STRC: variants seen among roughly 807,000 people sequenced by gnomAD.
The protein encoded by STRC is stereocilin.
A neutral mutation model predicts 103.5 loss-of-function variants in STRC; 43 were observed. The observed-to-expected ratio is 0.42, with a 90% CI of 0.33 to 0.54. The LOEUF (loss-of-function observed/expected upper bound fraction) is 0.54. Among genes scored for constraint, STRC ranks in the 20% least tolerant of loss-of-function variants. The pLI is 0.14. For synonymous variants in STRC, 186 were observed against 442.3 expected, an observed-to-expected ratio of 0.42 and a Z score of 7.27; for missense variants, 499 against 1,088.5, an observed-to-expected ratio of 0.46 and a Z score of 7.62.
At chr15:43,605,066 G>C in intron 19 of STRC, 198 bp downstream of exon 19, 1 of 952,344 alleles carries the variant, frequency 1.1e-6, no homozygotes, top group Non-Finnish European at 1.6e-6. Flanking sequence ...GACTCCAAGA[G>C]GTATGGACAA....
Position 43,601,546 on chromosome 15 carries a change from C to G in STRC, c.4551G>C (p.Trp1517Cys). Residue 1517 changes from tryptophan (W) to cysteine (C), a missense_variant, in exon 24 of 29, where the codon TGG becomes TGC. Coordinates refer to ENST00000450892, the MANE Select transcript of STRC (RefSeq NM_153700.2). ...RAAMGKAKQL[W>C]GPPRGFRPEQ... is the part of the protein sequence containing the mutation. ...CAGGACGAAATCCCCGGGGGGGACC[C>G]CACAACTAGGAGAAAGACAGGAACA... is the stretch of plus-strand genomic sequence containing the variant. 1 of 1,613,728 alleles carries G rather than the reference C, an allele frequency of 6.2e-7. No individual in the cohort carries two copies.
intron 20 of STRC, 46 bp downstream of exon 20, chr15:43,604,604 C>T (rs1232463009): frequency 9.3e-6 from 15 of 1,613,098 alleles, no homozygotes; most frequent in Non-Finnish European, 1.3e-5. Flanking sequence ...GGCTGAGGGA[C>T]TGGGTATAGA....
At chr15:43,602,103 C>G (rs1451191616) in intron 23 of STRC, among the ~76,000 whole-genome samples, 1 of 110,914 alleles carries the variant, frequency 9.0e-6, no homozygotes, top group Non-Finnish European at 1.7e-5. Flanking sequence ...TGCTGGGTGA[C>G]AGAGTGAGAC....
At chr15:43,609,236 T>G (rs779609553) in intron 16 of STRC, 40 bp downstream of exon 16, 1 of 1,600,524 alleles carries the variant, frequency 6.2e-7, no homozygotes, top group Non-Finnish European at 8.5e-7. Context: ...CAAAAAAATG[T>G]TGGTCGAATT....
intron 23 of STRC, chr15:43,601,769 C>G (rs1399332325): frequency 3.6e-6 from 2 of 559,810 alleles, no homozygotes; most frequent in African/African-American, 3.8e-5. Flanking sequence ...AGCAAACTAA[C>G]TCTAGTCCAT....
Position 43,603,193 on chromosome 15 carries a change from C to G in STRC, c.4545+49G>C, listed in dbSNP as rs1434482846. On this transcript the variant is annotated intron_variant, in intron 23 of 28. Transcript: ENST00000450892. ...CATTCTCTTTGTGTCCTACATCACACCCAAATAGCTTCCTCATGGCCAACC... is the reference window on the plus strand; with the variant it reads ...CATTCTCTTTGTGTCCTACATCACAGCCAAATAGCTTCCTCATGGCCAACC... The G allele has an allele frequency of 5.6e-6, 9 of 1,598,494 alleles. 1 individual carries two copies. Among genetic ancestry groups the G allele is most frequent in the Middle Eastern group, 2.1e-4 (1 of 4,760 alleles).
At position 43,605,251 on chromosome 15, in the gene STRC, G is replaced by A; in HGVS notation, c.3930+13C>T. The A allele has an allele frequency of 6.3e-6, 10 of 1,578,758 alleles. No individual in the cohort carries two copies. The highest frequency in any genetic ancestry group is 1.3e-5 in the African/African-American group (1 of 74,432). ...AGGGCAGCAAATCTGAGTCTGGTAG[G>A]GTGGACTCTTACCAGGTTTTGTAGT... On this transcript the variant is annotated intron_variant, in intron 19 of 28. Coordinates refer to ENST00000450892, the MANE Select transcript of STRC (RefSeq NM_153700.2).
intron 19 of STRC, 92 bp downstream of exon 19, chr15:43,605,172 A>C: frequency 6.4e-7 from 1 of 1,561,520 alleles, no homozygotes. Context: ...GAAAGCAAGA[A>C]GTAGAGGGTT....
chr15:43,602,891 C>T lies in STRC; in HGVS notation c.4545+351G>A, dbSNP rs570198282. Among the ~76,000 whole-genome samples the T allele has an allele frequency of 1.1e-4, 17 of 151,608 alleles. 1 individual carries two copies. Among genetic ancestry groups the T allele is most frequent in the Admixed American group, 3.3e-4 (5 of 15,228 alleles). On this transcript the variant is annotated intron_variant, in intron 23 of 28. Coordinates refer to ENST00000450892, the MANE Select transcript of STRC (RefSeq NM_153700.2). The stretch of plus-strand genomic sequence containing the variant: ...TGATCTCCTGACCTCGTGATCTGCC[C>T]GCCTTGGCCTCCCAAAGTTCTGAGA...
chr15:43,605,531 T>C lies in STRC; in HGVS notation c.3795-132A>G, dbSNP rs139626815. On this transcript the variant is annotated intron_variant, in intron 18 of 28. Coordinates refer to ENST00000450892, the MANE Select transcript of STRC (RefSeq NM_153700.2). The stretch of plus-strand genomic sequence containing the variant: ...TTTAGTGAAGCTGGACAGGAACTGA[T>C]AGTAAACAGCTCCAGGGCCAATTCC... 5.2e-3 allele frequency: 7,735 copies of C among 1,478,712 alleles called. 119 individuals carry two copies. Among genetic ancestry groups the C allele is most frequent in the African/African-American group, 0.043 (3,009 of 70,794 alleles). 91.6% of individuals were successfully genotyped at this position (1,478,712 alleles called of 1,614,324 possible). A position where few individuals can be genotyped will look rare whatever the true frequency, so the allele number is the denominator to read the frequency against.
intron 18 of STRC, among the ~76,000 whole-genome samples, chr15:43,605,708 A>C (rs1595959637): frequency 9.0e-6 from 1 of 111,332 alleles, no homozygotes; most frequent in East Asian, 2.6e-4. Context: ...ATAGATTAAA[A>C]AACTGAGGTT....
In STRC at chr15:43,603,038, A is replaced by T. The variant is rs186843151; in HGVS notation, c.4545+204T>A. On this transcript the variant is annotated intron_variant, in intron 23 of 28. Transcript: ENST00000450892. ...TGATATGCATTAAAATTTGGTAACC[A>T]CTGCTTTCGTCCCTCTATTCATTAT... Among the ~76,000 whole-genome samples, 549 of 151,992 alleles carry T rather than the reference A, an allele frequency of 3.6e-3. 8 individuals carry two copies. The highest frequency in any genetic ancestry group is 4.7e-3 in the Non-Finnish European group (317 of 67,950).
At chr15:43,602,959 T>A (rs1191249270) in intron 23 of STRC, among the ~76,000 whole-genome samples, 1 of 151,834 alleles carries the variant, frequency 6.6e-6, no homozygotes, top group African/African-American at 2.4e-5. Context: ...CATGCCATTA[T>A]TTTTTTAAGA....
Position 43,601,602 on chromosome 15 carries a change from C to T in STRC, c.4546-51G>A, listed in dbSNP as rs554896620. On this transcript the variant is annotated intron_variant, in intron 23 of 28. Transcript: ENST00000450892. ...AGTGGAAAAGCAGTGGATTGGGAGTCATACTGCTGGGTTTTAAGTCTTGCC... is the reference window on the plus strand; with the variant it reads ...AGTGGAAAAGCAGTGGATTGGGAGTTATACTGCTGGGTTTTAAGTCTTGCC... 1.1e-5 allele frequency: 17 copies of T among 1,593,680 alleles called. No individual in the cohort carries two copies. The South Asian group carries it at 1.7e-4, about 16-fold the overall frequency.
At position 43,600,635 on chromosome 15, in the gene STRC, T is replaced by C; in HGVS notation, c.4892A>G (p.Glu1631Gly). 6.2e-7 allele frequency: 1 copy of C among 1,613,712 alleles called. No homozygotes were observed. Among genetic ancestry groups the C allele is most frequent in the Non-Finnish European group, 8.5e-7 (1 of 1,179,864 alleles). The stretch of plus-strand genomic sequence containing the variant: ...TAGGTGGGCCAGAACCTCCAGTTGT[T>C]CCTCAGAGCACTGGAGATGCAGGGT... Reference protein sequence around the residue: ...LGTLHLQCSEEQLEVLAHLLV... With the variant: ...LGTLHLQCSEGQLEVLAHLLV... Residue 1631 changes from glutamate (E) to glycine (G), a missense_variant, in exon 26 of 29, where the codon GAA becomes GGA. Transcript: ENST00000450892.
At position 43,604,135 on chromosome 15, in the gene STRC, C is replaced by A. The variant is rs886963420; in HGVS notation, c.4236G>T (p.Glu1412Asp). 3 of 1,610,142 alleles carry A rather than the reference C, an allele frequency of 1.9e-6. No individual in the cohort carries two copies. The highest frequency in any genetic ancestry group is 2.5e-6 in the Non-Finnish European group (3 of 1,178,498). Residue 1412 changes from glutamate (E) to aspartate (D), a missense_variant, in exon 22 of 29, where the codon GAG becomes GAT. Coordinates refer to ENST00000450892, the MANE Select transcript of STRC (RefSeq NM_153700.2). ...GCTTTTCTAGAAGCCGCTCCAGGGTCTCTGGACCCAAGGCCTCCTGCATGA... is the reference window on the plus strand; with the variant it reads ...GCTTTTCTAGAAGCCGCTCCAGGGTATCTGGACCCAAGGCCTCCTGCATGA... ...SLIPREALGP[E>D]TLERLLEKQQ...
Position 43,603,307 on chromosome 15 carries a change from A to G in STRC, c.4480T>C (p.Leu1494=), listed in dbSNP as rs762838506. 9.9e-6 allele frequency: 16 copies of G among 1,613,832 alleles called. No homozygotes were observed. The highest frequency in any genetic ancestry group is 1.3e-5 in the Non-Finnish European group (15 of 1,179,894). ...ELSDFEDCLT[L]FAGDPGLGPE... ...CCAAGTCCTGGGTCTCCTGCAAATA[A>G]TGTCAGGCAGTCCTCAAAGTCTGAG... Residue 1494 remains leucine (L), a synonymous_variant, in exon 23 of 29, where the codon TTA becomes CTA. Coordinates refer to ENST00000450892, the MANE Select transcript of STRC (RefSeq NM_153700.2).
At chr15:43,602,855 C>G (rs895529688) in intron 23 of STRC, among the ~76,000 whole-genome samples, 3 of 151,682 alleles carry the variant, frequency 2.0e-5, no homozygotes, top group African/African-American at 7.3e-5. Flanking sequence ...CCGTGTTAGA[C>G]AGGATGGTCT....
At chr15:43,603,730 C>G (rs1444196235) in intron 22 of STRC, 19 of 724,094 alleles carry the variant, frequency 2.6e-5, no homozygotes, top group Non-Finnish European at 3.9e-5. Context: ...GCAGAGAGCT[C>G]CACACTTAGC....
Sources: gnomAD v4.1 joint callset for allele counts (sites outside exome capture counted in the v4.1 genomes callset) on GRCh38, gnomAD v4.1.1 for gene constraint, MANE v1.5 for transcripts, NCBI Gene and HGNC (gene_info 2026-07-23, HGNC 2026-07-21) for gene names.